The following PLAC1 variants were observed in gnomAD, a reference collection of about 807,000 sequenced individuals.
PLAC1 encodes the protein placenta associated 1.
For synonymous variants in PLAC1, 68 were observed against 62.1 expected, an observed-to-expected ratio of 1.09 and a Z score of -0.44; for missense variants, 136 against 163.2, an observed-to-expected ratio of 0.83 and a Z score of 0.91.
chrX:134,651,800 C>T (rs1379815353), intron 1 of PLAC1, among the ~76,000 whole-genome samples: 1 of 108,705 alleles, frequency 9.2e-6, no homozygotes, highest in Non-Finnish European at 1.9e-5. Context: ...CCCAGTCACC[C>T]ACCAGGCCAA....
chrX:134,694,437 T>C (rs2078555440), intron 2 of PLAC1, among the ~76,000 whole-genome samples: 1 of 111,599 alleles, frequency 9.0e-6, no homozygotes, highest in African/African-American at 3.3e-5. Flanking sequence ...CTGGATCAGC[T>C]GAGCACCTGG....
chrX:134,576,689 A>G (rs1028733363), intron 2 of PLAC1, among the ~76,000 whole-genome samples: 1 of 111,884 alleles, frequency 8.9e-6, no homozygotes, highest in Non-Finnish European at 1.9e-5. Flanking sequence ...CCAATGACTT[A>G]TGTCTTTACA....
intron 2 of PLAC1, among the ~76,000 whole-genome samples, chrX:134,566,975 T>A (rs1352364725): frequency 8.9e-6 from 1 of 112,407 alleles, no homozygotes; most frequent in Admixed American, 9.4e-5. Context: ...ATATCCCTAA[T>A]ATGTAGAACA....
chrX:134,634,148 C>A (rs776898032), intron 1 of PLAC1, among the ~76,000 whole-genome samples: 21 of 111,867 alleles, frequency 1.9e-4, no homozygotes, highest in South Asian at 1.1e-3. Flanking sequence ...GGGAAAAAAA[C>A]CCCAAAGGCT....
Position 134,566,274 on chromosome X carries a change from T to C in PLAC1, c.409A>G (p.Arg137Gly). Residue 137 changes from arginine (R) to glycine (G), a missense_variant, in exon 3 of 3, where the codon AGG (arginine) becomes GGG (glycine). Transcript: ENST00000359237. Reference protein sequence around the residue: ...PCSMRVASKSRATAQKDEKCY... With the variant: ...PCSMRVASKSGATAQKDEKCY... ...TTCTCATCCTTCTGGGCTGTGGCCCTGCTCTTGCTGGCTACTCTCATGGAG... is the reference window on the plus strand; with the variant it reads ...TTCTCATCCTTCTGGGCTGTGGCCCCGCTCTTGCTGGCTACTCTCATGGAG... The C allele has an allele frequency of 8.3e-7, 1 of 1,211,960 alleles. No homozygotes were observed. Among genetic ancestry groups the C allele is most frequent in the Non-Finnish European group, 1.1e-6 (1 of 895,452 alleles).
At chrX:134,753,389 C>G (rs2078749198) in intron 1 of PLAC1, among the ~76,000 whole-genome samples, 2 of 111,153 alleles carry the variant, frequency 1.8e-5, no homozygotes, top group Admixed American at 9.7e-5. Context: ...GAAGCAATGG[C>G]AAAGATGATG....
Position 134,566,216 on chromosome X carries a change from C to T in PLAC1, c.467G>A (p.Ser156Asn). Residue 156 changes from serine to asparagine, a missense_variant, in exon 3 of 3, where the codon AGT becomes AAT. Ser to Asn is a conservative substitution (Grantham distance 46). Coordinates refer to ENST00000359237, the MANE Select transcript of PLAC1 (RefSeq NM_021796.4). ...CYEVFSLSQS[S>N]QRPNCDCPPC... The stretch of plus-strand genomic sequence containing the variant: ...TGGACAATCGCAGTTGGGCCTTTGA[C>T]TGGACTGTGACAAGCTGAACACCTC... 7.4e-6 allele frequency: 9 copies of T among 1,211,757 alleles called. No homozygotes were observed. The highest frequency in any genetic ancestry group is 1.0e-5 in the Non-Finnish European group (9 of 895,448).
intron 2 of PLAC1, among the ~76,000 whole-genome samples, chrX:134,687,161 ATG>A (rs764446618): frequency 1.5e-4 from 17 of 111,935 alleles, no homozygotes; most frequent in African/African-American, 4.5e-4. Flanking sequence ...CAAGAAAAAA[ATG>A]TGTGTTACAA....
chrX:134,721,884 A>T (rs1465376969), intron 2 of PLAC1, among the ~76,000 whole-genome samples: 1 of 111,405 alleles, frequency 9.0e-6, no homozygotes. Context: ...AAATAAAAAT[A>T]AAAAAAGGCA....
intron 1 of PLAC1, among the ~76,000 whole-genome samples, chrX:134,622,359 C>A (rs980871998): frequency 1.8e-5 from 2 of 111,278 alleles, no homozygotes; most frequent in East Asian, 2.8e-4. Flanking sequence ...CCTCCTCCCC[C>A]CTCCACAGGA....
intron 2 of PLAC1, among the ~76,000 whole-genome samples, chrX:134,725,801 A>C (rs1182213798): frequency 2.7e-5 from 3 of 111,888 alleles, no homozygotes; most frequent in Non-Finnish European, 5.6e-5. Flanking sequence ...GTTCGAGACC[A>C]TCCTGGCCAA....
At chrX:134,643,748 T>TAAAAAGTACTTTCCA (rs1460657846) in intron 1 of PLAC1, among the ~76,000 whole-genome samples, 1 of 110,878 alleles carries the variant, frequency 9.0e-6, no homozygotes, top group Non-Finnish European at 1.9e-5. Context: ...TTTAACTTGA[T>TAAAAAGTACTTTCCA]AAAAAGTACT....
At chrX:134,708,711 T>C (rs2078617646) in intron 2 of PLAC1, among the ~76,000 whole-genome samples, 1 of 110,116 alleles carries the variant, frequency 9.1e-6, no homozygotes, top group African/African-American at 3.3e-5. Context: ...ACTAATTTTG[T>C]ATTTTTAGTA....
intron 2 of PLAC1, among the ~76,000 whole-genome samples, chrX:134,713,379 G>C (rs1193048691): frequency 2.7e-5 from 3 of 112,542 alleles, no homozygotes; most frequent in Non-Finnish European, 5.6e-5. Flanking sequence ...ATGCTTTGCA[G>C]CTGTAGATTT....
chrX:134,589,970 C>T lies in PLAC1; in HGVS notation c.-59+12081G>A, dbSNP rs185981456. Reference sequence around the variant, plus strand: ...CAGCACTTTGGGAGGCCAAGGTGGGCGGATCACAAGGTCAGGAGATCAAGA... The same window carrying T: ...CAGCACTTTGGGAGGCCAAGGTGGGTGGATCACAAGGTCAGGAGATCAAGA... On this transcript the variant is annotated intron_variant, in intron 2 of 2. Coordinates refer to ENST00000359237, the MANE Select transcript of PLAC1 (RefSeq NM_021796.4). Among the ~76,000 whole-genome samples the T allele has an allele frequency of 6.1e-3, 665 of 109,798 alleles. 5 individuals are homozygous for T. Among genetic ancestry groups the T allele is most frequent in the African/African-American group, 0.02 (595 of 30,175 alleles).
At chrX:134,578,412 C>CA (rs1344663898) in intron 2 of PLAC1, among the ~76,000 whole-genome samples, 914 of 24,620 alleles carry the variant, frequency 0.037, 39 homozygotes, top group African/African-American at 0.1. Flanking sequence ...GACTCTGTCT[C>CA]AAAAAAAAAA....
chrX:134,707,729 T>C (rs1022493017), intron 2 of PLAC1, among the ~76,000 whole-genome samples: 5 of 112,251 alleles, frequency 4.5e-5, no homozygotes, highest in African/African-American at 1.6e-4. Context: ...ATAAATACAA[T>C]AGGCTGTCCT....
chrX:134,622,654 T>C (rs2078216666), intron 1 of PLAC1, among the ~76,000 whole-genome samples: 1 of 112,074 alleles, frequency 8.9e-6, no homozygotes, highest in Non-Finnish European at 1.9e-5. Context: ...TTTGAGTGCC[T>C]TAAGAGATAA....
At chrX:134,657,316 T>C (rs1456613296) in intron 1 of PLAC1, among the ~76,000 whole-genome samples, 1 of 111,926 alleles carries the variant, frequency 8.9e-6, no homozygotes, top group African/African-American at 3.2e-5. Context: ...AATAAGCCCG[T>C]CATAATGTCA....
Sources: allele counts gnomAD v4.1 joint callset (sites outside exome capture counted in the v4.1 genomes callset), GRCh38; gene constraint gnomAD v4.1.1; transcripts MANE v1.5; gene names NCBI Gene and HGNC (gene_info 2026-07-23, HGNC 2026-07-21).